LRRC4C: variants seen among roughly 807,000 people sequenced by gnomAD.
The protein encoded by LRRC4C is leucine-rich repeat-containing protein 4C.
In LRRC4C, 5 loss-of-function variants were observed where a neutral mutation model predicts 33.6. That is an observed-to-expected ratio of 0.15 (90% CI 0.08 to 0.31). LRRC4C has a LOEUF of 0.31. Among genes scored for constraint, LRRC4C ranks in the 10% least tolerant of loss-of-function variants. LRRC4C has a pLI of 1.00. For missense variants in LRRC4C, 560 were observed against 796.7 expected (o/e 0.70, Z 3.58); for synonymous variants, 329 against 302.0 (o/e 1.09, Z -0.93).
chr11:41,305,276 T>C lies in LRRC4C; in HGVS notation c.-496+154155A>G, dbSNP rs1431269516. On this transcript the variant is annotated intron_variant, in intron 1 of 6. Coordinates refer to ENST00000528697, the MANE Select transcript of LRRC4C (RefSeq NM_001258419.2). ...CCAGCCGCCCTCTCCGGGAGGGAGGTGGGGGAGGGTCAGCCCCCCTGCCCG... is the reference window on the plus strand; with the variant it reads ...CCAGCCGCCCTCTCCGGGAGGGAGGCGGGGGAGGGTCAGCCCCCCTGCCCG... Among the ~76,000 whole-genome samples the C allele has an allele frequency of 7.9e-4, 31 of 39,366 alleles. 7 individuals are homozygous for C. Among genetic ancestry groups the C allele is most frequent in the African/African-American group, 1.9e-3 (29 of 15,448 alleles). 25.8% of individuals were successfully genotyped at this position (39,366 alleles called of 152,430 possible). A position where few individuals can be genotyped will look rare whatever the true frequency, so the allele number is the denominator to read the frequency against.
chr11:40,702,222 A>G (rs1945895549), intron 2 of LRRC4C, among the ~76,000 whole-genome samples: 1 of 152,234 alleles, frequency 6.6e-6, no homozygotes, highest in Admixed American at 6.5e-5. Flanking sequence ...AGTATCAAAG[A>G]AAAATGTAGT....
At chr11:40,662,954 A>C (rs1023219093) in intron 2 of LRRC4C, among the ~76,000 whole-genome samples, 9 of 152,218 alleles carry the variant, frequency 5.9e-5, no homozygotes, top group African/African-American at 1.9e-4. Context: ...AAATCATCAT[A>C]ATAATGTGCT....
chr11:40,454,315 C>T (rs11035854), intron 3 of LRRC4C, among the ~76,000 whole-genome samples: 54,758 of 151,794 alleles, frequency 0.36, 10,380 homozygotes, highest in East Asian at 0.53. Context: ...CACTCTCACT[C>T]ACTTGTACTG....
chr11:41,120,420 A>G (rs1590658046), intron 1 of LRRC4C, among the ~76,000 whole-genome samples: 1 of 152,148 alleles, frequency 6.6e-6, no homozygotes, highest in African/African-American at 2.4e-5. Flanking sequence ...TTCAGATGGC[A>G]GATCATTATA....
chr11:40,165,300 G>T (rs1282116967), intron 5 of LRRC4C, among the ~76,000 whole-genome samples: 2 of 152,092 alleles, frequency 1.3e-5, no homozygotes, highest in Non-Finnish European at 2.9e-5. Flanking sequence ...GAATTTGTGT[G>T]TGTGCCTTTG....
intron 1 of LRRC4C, among the ~76,000 whole-genome samples, chr11:40,939,532 G>A (rs1315371539): frequency 1.3e-5 from 2 of 152,042 alleles, no homozygotes; most frequent in Admixed American, 6.6e-5. Context: ...AGACACAATA[G>A]TTAACTGCCC....
At chr11:40,329,964 A>G (rs1217570865) in intron 3 of LRRC4C, among the ~76,000 whole-genome samples, 1 of 151,942 alleles carries the variant, frequency 6.6e-6, no homozygotes, top group Non-Finnish European at 1.5e-5. Flanking sequence ...GATGGTCTCT[A>G]TCTCCTGACC....
chr11:40,343,185 C>T (rs907476884), intron 3 of LRRC4C, among the ~76,000 whole-genome samples: 1 of 152,074 alleles, frequency 6.6e-6, no homozygotes, highest in African/African-American at 2.4e-5. Flanking sequence ...TATACATATA[C>T]TTTGACATGT....
chr11:40,865,298 C>T (rs959053337), intron 2 of LRRC4C, among the ~76,000 whole-genome samples: 1 of 151,890 alleles, frequency 6.6e-6, no homozygotes, highest in African/African-American at 2.4e-5. Flanking sequence ...TTGGTGGGTG[C>T]AGTGAAGGGG....
intron 1 of LRRC4C, among the ~76,000 whole-genome samples, chr11:41,257,259 A>T (rs191829647): frequency 3.1e-4 from 47 of 152,160 alleles, no homozygotes; most frequent in Middle Eastern, 3.4e-3. Flanking sequence ...AGTGGAAAAG[A>T]ACTTGGAAAG....
chr11:40,898,193 A>T (rs1956037957), intron 2 of LRRC4C, among the ~76,000 whole-genome samples: 1 of 151,688 alleles, frequency 6.6e-6, no homozygotes, highest in South Asian at 2.1e-4. Flanking sequence ...CATCTCTACT[A>T]AAAATACAAA....
At chr11:41,129,878 C>T (rs1214515809) in intron 1 of LRRC4C, among the ~76,000 whole-genome samples, 1 of 151,948 alleles carries the variant, frequency 6.6e-6, no homozygotes, top group African/African-American at 2.4e-5. Context: ...CTCTCAACTT[C>T]CTTTACTTCT....
At chr11:40,863,067 CAAGGA>C (rs1954181598) in intron 2 of LRRC4C, among the ~76,000 whole-genome samples, 1 of 152,164 alleles carries the variant, frequency 6.6e-6, no homozygotes, top group African/African-American at 2.4e-5. Flanking sequence ...CATCACAGTG[CAAGGA>C]GGAAGATGGA....
intron 2 of LRRC4C, among the ~76,000 whole-genome samples, chr11:40,701,068 C>T (rs1213520128): frequency 6.6e-6 from 1 of 152,094 alleles, no homozygotes; most frequent in African/African-American, 2.4e-5. Context: ...CATCATATGG[C>T]TTCACCTCCC....
chr11:40,628,370 C>T (rs1223820148), intron 3 of LRRC4C, among the ~76,000 whole-genome samples: 7 of 152,062 alleles, frequency 4.6e-5, no homozygotes, highest in South Asian at 2.1e-4. Context: ...CCCAGCTACT[C>T]GGGAGGCTGA....
chr11:41,063,159 T>C (rs146020738), intron 1 of LRRC4C, among the ~76,000 whole-genome samples: 1 of 152,234 alleles, frequency 6.6e-6, no homozygotes, highest in Non-Finnish European at 1.5e-5. Flanking sequence ...CTGTACTGTG[T>C]GTCAGAGTCT....
chr11:40,694,573 T>C (rs902071322), intron 2 of LRRC4C, among the ~76,000 whole-genome samples: 2 of 152,286 alleles, frequency 1.3e-5, no homozygotes, highest in African/African-American at 4.8e-5. Context: ...GCCAGAGAGT[T>C]GTGGTGGTGC....
At chr11:40,538,594 C>G (rs958890562) in intron 3 of LRRC4C, among the ~76,000 whole-genome samples, 1 of 152,246 alleles carries the variant, frequency 6.6e-6, no homozygotes, top group East Asian at 1.9e-4. Context: ...AATAAACATA[C>G]GTGTGCATGT....
At chr11:41,327,777 T>C (rs1445063683) in intron 1 of LRRC4C, among the ~76,000 whole-genome samples, 1 of 152,140 alleles carries the variant, frequency 6.6e-6, no homozygotes, top group Non-Finnish European at 1.5e-5. Context: ...TGAGATCTGA[T>C]GGTTTTAAAA....
Sources: gnomAD v4.1 joint callset for allele counts (sites outside exome capture counted in the v4.1 genomes callset) on GRCh38, gnomAD v4.1.1 for gene constraint, MANE v1.5 for transcripts, NCBI Gene and HGNC (gene_info 2026-07-23, HGNC 2026-07-21) for gene names.